TMEM260: variants seen among roughly 807,000 people sequenced by gnomAD.
The protein encoded by TMEM260 is protein O-mannosyl-transferase TMEM260.
A neutral mutation model predicts 88.9 loss-of-function variants in TMEM260; 82 were observed. The observed-to-expected ratio is 0.92, with a 90% confidence interval of 0.77 to 1.11. The LOEUF is 1.11. Among genes scored for constraint, TMEM260 ranks in the 50% least tolerant of loss-of-function variants. The pLI is 0.00. For synonymous variants in TMEM260, 314 were observed against 309.3 expected (o/e 1.02, Z -0.16); for missense variants, 902 against 853.4 (o/e 1.06, Z -0.71).
At chr14:56,612,339 T>A (rs1887336387) in intron 7 of TMEM260, 54 bp downstream of exon 7, 2 of 1,475,712 alleles carry the variant, frequency 1.4e-6, no homozygotes, top group Non-Finnish European at 9.5e-7. Context: ...TTAGTTCCTT[T>A]AAGTGATTTT....
intron 6 of TMEM260, among the ~76,000 whole-genome samples, chr14:56,610,901 A>C (rs1270448642): frequency 6.6e-6 from 1 of 152,004 alleles, no homozygotes; most frequent in African/African-American, 2.4e-5. Context: ...TTAACATGTA[A>C]ATCATTTTTG....
At chr14:56,658,575 G>T in the TMEM260 span, among the ~76,000 whole-genome samples, 2 of 151,840 alleles carry the variant, frequency 1.3e-5, no homozygotes, top group Non-Finnish European at 2.9e-5. Context: ...AATCCAAATT[G>T]AGAGACTGTC....
At chr14:56,652,625 G>A (rs1890226448), downstream of TMEM260, among the ~76,000 whole-genome samples, 1 of 152,024 alleles carries the variant, frequency 6.6e-6, no homozygotes, top group Admixed American at 6.5e-5. Flanking sequence ...GGGTTCCTTA[G>A]TCTGACAGGT....
chr14:56,585,055 A>G lies in TMEM260; in HGVS notation c.192+23A>G, dbSNP rs1364414352. 7 of 1,605,232 alleles carry G rather than the reference A, an allele frequency of 4.4e-6. No homozygotes were observed. The Admixed American group carries it at 6.8e-5, about 16-fold the overall frequency. ...GGAGTAAGTATTAGTTTTATTGTTT[A>G]ATCAATGCTCTCATTAACAGTTTTA... On this transcript the variant is annotated intron_variant, in intron 2 of 15. Coordinates refer to ENST00000261556, the MANE Select transcript of TMEM260 (RefSeq NM_017799.4).
intron 8 of TMEM260, among the ~76,000 whole-genome samples, chr14:56,616,734 C>G (rs1310932147): frequency 6.6e-6 from 1 of 151,914 alleles, no homozygotes; most frequent in Non-Finnish European, 1.5e-5. Flanking sequence ...TGATAAATAA[C>G]TGAGTCAATG....
Position 56,649,162 on chromosome 14 carries a change from T to A in TMEM260, c.*1665T>A, listed in dbSNP as rs991905511. 6.6e-6 allele frequency: 1 copy of A among 152,668 alleles called. No homozygotes were observed. Among genetic ancestry groups the A allele is most frequent in the African/African-American group, 2.4e-5 (1 of 41,464 alleles). 9.5% of individuals were successfully genotyped at this position (152,668 alleles called of 1,614,324 possible). On this transcript the variant is annotated 3_prime_UTR_variant, in exon 16 of 16. Coordinates refer to ENST00000261556, the MANE Select transcript of TMEM260 (RefSeq NM_017799.4). Reference sequence around the variant, plus strand: ...AAGACAAATAAATGGAGGAGCTCATTAATCCGCTTTTGGCTCTCAGTGCCT... The same window carrying A: ...AAGACAAATAAATGGAGGAGCTCATAAATCCGCTTTTGGCTCTCAGTGCCT...
At chr14:56,614,219 TAAAA>T (rs397852138) in intron 7 of TMEM260, among the ~76,000 whole-genome samples, 2 of 111,548 alleles carry the variant, frequency 1.8e-5, no homozygotes, top group African/African-American at 3.7e-5. Flanking sequence ...TACAAAACAT[TAAAA>T]AAAAAAAAAA....
chr14:56,661,938 G>A, the TMEM260 span, among the ~76,000 whole-genome samples: 1 of 152,186 alleles, frequency 6.6e-6, no homozygotes. Flanking sequence ...TCATTAGAAA[G>A]GTTGTGACAG....
the TMEM260 span, among the ~76,000 whole-genome samples, chr14:56,661,569 AAGGG>A: frequency 1.3e-5 from 2 of 149,062 alleles, no homozygotes; most frequent in African/African-American, 4.9e-5. Context: ...GGAAAGAGGG[AAGGG>A]AGGAAGGGAG....
chr14:56,587,394 G>T (rs1885573569), intron 3 of TMEM260, among the ~76,000 whole-genome samples: 1 of 151,802 alleles, frequency 6.6e-6, no homozygotes, highest in Non-Finnish European at 1.5e-5. Context: ...CATTCCATAT[G>T]AGAACTACTG....
intron 3 of TMEM260, among the ~76,000 whole-genome samples, chr14:56,603,016 G>A (rs1886670852): frequency 6.6e-6 from 1 of 152,108 alleles, no homozygotes; most frequent in African/African-American, 2.4e-5. Flanking sequence ...TAAGGAAATA[G>A]AAAGTTGTTT....
chr14:56,625,251 C>G (rs916051542), intron 11 of TMEM260, 131 bp from the exon 12 acceptor site: 4 of 833,904 alleles, frequency 4.8e-6, no homozygotes, highest in Admixed American at 5.9e-5. Flanking sequence ...CTCAGTTGTG[C>G]TTATATTTTT....
chr14:56,651,326 GAAAA>G (rs72001981), downstream of TMEM260, among the ~76,000 whole-genome samples: 1 of 148,562 alleles, frequency 6.7e-6, no homozygotes, highest in South Asian at 2.1e-4. Context: ...GGTTTTTCAG[GAAAA>G]AAAAAAATTC....
At chr14:56,623,162 A>G (rs776751718) in intron 11 of TMEM260, among the ~76,000 whole-genome samples, 7 of 152,216 alleles carry the variant, frequency 4.6e-5, no homozygotes, top group South Asian at 2.1e-4. Flanking sequence ...GTTAGGGTGC[A>G]TTTGAATGCA....
chr14:56,624,843 C>T (rs574054957), intron 11 of TMEM260, among the ~76,000 whole-genome samples: 17 of 109,198 alleles, frequency 1.6e-4, no homozygotes, highest in East Asian at 1.3e-3. Flanking sequence ...CACCAGGGAC[C>T]GGTTTTGTGA....
At chr14:56,653,742 A>AAAAAAAAAAAAAAAAC (rs1555343565), downstream of TMEM260, among the ~76,000 whole-genome samples, 25 of 65,814 alleles carry the variant, frequency 3.8e-4, 1 homozygote, top group East Asian at 1.6e-3. Context: ...TCTCCAAAAC[A>AAAAAAAAAAAAAAAAC]AAAAAAAAAA....
intron 3 of TMEM260, among the ~76,000 whole-genome samples, chr14:56,602,924 C>T (rs1165548172): frequency 2.0e-5 from 3 of 152,024 alleles, no homozygotes; most frequent in African/African-American, 2.4e-5. Flanking sequence ...AATTGTTGGA[C>T]GCAGTAATGC....
chr14:56,621,598 C>T lies in TMEM260; in HGVS notation c.1294C>T (p.His432Tyr). The change falls in exon 11 of 16, where the codon CAT (histidine) becomes TAT (tyrosine). Residue 432 changes from histidine (H) to tyrosine (Y), a missense_variant. Transcript: ENST00000261556. ...AAAGAACCTTCTCACCTCTATGCCT[C>T]ATGATGCAATTATCTTACTCAGAGG... Reference protein sequence around the residue: ...FAKNLLTSMPHDAIILLRGDL... With the variant: ...FAKNLLTSMPYDAIILLRGDL... 1.2e-6 allele frequency: 2 copies of T among 1,613,626 alleles called. No homozygotes were observed. Among genetic ancestry groups the T allele is most frequent in the African/African-American group, 1.3e-5 (1 of 75,026 alleles).
At chr14:56,654,004 AAAT>A (rs1347334333), downstream of TMEM260, among the ~76,000 whole-genome samples, 2 of 152,196 alleles carry the variant, frequency 1.3e-5, no homozygotes, top group Non-Finnish European at 2.9e-5. Flanking sequence ...TGAAGTCCTC[AAAT>A]AATGCAGCCA....
Sources: gnomAD v4.1 joint callset for allele counts (sites outside exome capture counted in the v4.1 genomes callset) on GRCh38, gnomAD v4.1.1 for gene constraint, MANE v1.5 for transcripts, NCBI Gene and HGNC (gene_info 2026-07-23, HGNC 2026-07-21) for gene names.